Variants in KCTD15 observed in about 807,000 individuals in gnomAD.
The protein encoded by KCTD15 is BTB/POZ domain-containing protein KCTD15.
Under a neutral mutation model 27.2 loss-of-function variants are expected in KCTD15, and 11 were observed. That is an observed-to-expected ratio of 0.41 (90% CI 0.25 to 0.67). KCTD15 has a LOEUF of 0.67. Ranked by LOEUF, KCTD15 falls within the 30% of genes least tolerant of loss-of-function variation. The pLI is 0.35. For synonymous variants in KCTD15, 163 were observed against 176.0 expected, an observed-to-expected ratio of 0.93 and a Z score of 0.58; for missense variants, 350 against 409.3, an observed-to-expected ratio of 0.86 and a Z score of 1.25.
chr19:33,811,456 C>T lies in KCTD15; in HGVS notation c.597C>T (p.Asp199=), dbSNP rs1975913102. Residue 199 remains aspartate (D), a synonymous_variant, in exon 6 of 7, where the codon GAC becomes GAT. Coordinates refer to ENST00000683859, the MANE Select transcript of KCTD15 (RefSeq NM_001129994.2). Reference sequence around the variant, plus strand: ...AGGAGGTCTTCCCCGAGACCGGAGACGTCATGTGCAACTCCGTCAACGCCG... The same window carrying T: ...AGGAGGTCTTCCCCGAGACCGGAGATGTCATGTGCAACTCCGTCAACGCCG... ...LIEEVFPETG[D]VMCNSVNAGW... 11 of 1,612,986 alleles carry T rather than the reference C, an allele frequency of 6.8e-6. No homozygotes were observed. The highest frequency in any genetic ancestry group is 9.3e-6 in the Non-Finnish European group (11 of 1,179,856).
At chr19:33,802,931 C>A (rs1390913598) in intron 4 of KCTD15, among the ~76,000 whole-genome samples, 1 of 152,238 alleles carries the variant, frequency 6.6e-6, no homozygotes, top group Non-Finnish European at 1.5e-5. Context: ...GGGCTCTTGG[C>A]TGCTGCCTGA....
chr19:33,799,506 G>A (rs1022102565), intron 2 of KCTD15: 3 of 152,218 alleles, frequency 2.0e-5, no homozygotes, highest in African/African-American at 7.2e-5. Context: ...TCAGTGAACG[G>A]GGCTGCAGAA....
chr19:33,803,517 C>G (rs1302753104), intron 4 of KCTD15, among the ~76,000 whole-genome samples: 1 of 151,982 alleles, frequency 6.6e-6, no homozygotes, highest in Non-Finnish European at 1.5e-5. Flanking sequence ...CCTCGGCTCC[C>G]CTGAGAACTC....
intron 6 of KCTD15, chr19:33,812,084 G>A: frequency 7.5e-7 from 1 of 1,338,510 alleles, no homozygotes; most frequent in Non-Finnish European, 9.5e-7. Context: ...CAAGAGCTTG[G>A]CACATTTCCG....
At position 33,813,044 on chromosome 19, in the gene KCTD15, G is replaced by A. The variant is rs1172906260; in HGVS notation, c.*96G>A. 2 of 1,308,082 alleles carry A rather than the reference G, an allele frequency of 1.5e-6. No homozygotes were observed. Among genetic ancestry groups the A allele is most frequent in the Admixed American group, 4.1e-5 (2 of 49,316 alleles). The allele number at this position is 1,308,082 out of a possible 1,614,324, so 81.0% of individuals were successfully genotyped here. A position where few individuals can be genotyped will look rare whatever the true frequency, so the allele number is the denominator to read the frequency against. On this transcript the variant is annotated 3_prime_UTR_variant, in exon 7 of 7. Coordinates refer to ENST00000683859, the MANE Select transcript of KCTD15 (RefSeq NM_001129994.2). ...TACTTGGCCGTGGGCATGAGACCGA[G>A]GGTGAGGCTGGAGGGTCCAAAGCTG...
rs1975977764 is a variant in KCTD15 at position 33,812,974 on chromosome 19, C to G, written c.*26C>G. The G allele has an allele frequency of 6.6e-7, 1 of 1,522,846 alleles. No individual in the cohort carries two copies. The highest frequency in any genetic ancestry group is 8.8e-7 in the Non-Finnish European group (1 of 1,134,692). The allele number at this position is 1,522,846 out of a possible 1,614,324, so 94.3% of individuals were successfully genotyped here. A position where few individuals can be genotyped will look rare whatever the true frequency, so the allele number is the denominator to read the frequency against. On this transcript the variant is annotated 3_prime_UTR_variant, in exon 7 of 7. Transcript: ENST00000683859. ...GCCCTGCTTCAGTGCCCACCTGGGC[C>G]CCCCCAGGGACCTGGAAACAGTGCT...
chr19:33,812,222 A>G, intron 6 of KCTD15: 1 of 1,066,570 alleles, frequency 9.4e-7, no homozygotes. Flanking sequence ...ACCCTCACAG[A>G]GGCACAAACC....
chr19:33,801,717 A>G (rs1975556624), intron 4 of KCTD15: 1 of 180,696 alleles, frequency 5.5e-6, no homozygotes, highest in Non-Finnish European at 1.1e-5. Flanking sequence ...GCAGGGGGTC[A>G]TTTGTGAGTG....
intron 5 of KCTD15, among the ~76,000 whole-genome samples, chr19:33,807,751 A>G (rs554017672): frequency 6.6e-6 from 1 of 152,234 alleles, no homozygotes; most frequent in Admixed American, 6.5e-5. Context: ...GGCTGTAATT[A>G]GACTTCAAAA....
At chr19:33,800,595 C>T in intron 3 of KCTD15, 75 bp downstream of exon 3, 3 of 1,355,324 alleles carry the variant, frequency 2.2e-6, no homozygotes, top group Non-Finnish European at 3.1e-6. Flanking sequence ...TGTTTACTGG[C>T]TGTCCTTCCT....
At chr19:33,804,077 A>C (rs1975641732) in intron 4 of KCTD15, among the ~76,000 whole-genome samples, 1 of 152,198 alleles carries the variant, frequency 6.6e-6, no homozygotes, top group Non-Finnish European at 1.5e-5. Flanking sequence ...AGCCCCTGAC[A>C]GAGCTGGGAA....
At chr19:33,810,866 A>G (rs1395304244) in intron 5 of KCTD15, among the ~76,000 whole-genome samples, 1 of 150,890 alleles carries the variant, frequency 6.6e-6, no homozygotes, top group Non-Finnish European at 1.5e-5. Flanking sequence ...TGTGCCCAGC[A>G]TGATCTCTTC....
Position 33,807,051 on chromosome 19 carries a change from G to A in KCTD15, c.387+44G>A, listed in dbSNP as rs754655492. On this transcript the variant is annotated intron_variant, in intron 5 of 6. Coordinates refer to ENST00000683859, the MANE Select transcript of KCTD15 (RefSeq NM_001129994.2). ...GCCCCCCTGCACTGCCTGTGTGATG[G>A]CATTACACAGGGGACGCTGTGACTT... 8.8e-6 allele frequency: 14 copies of A among 1,591,346 alleles called. No individual in the cohort carries two copies. The South Asian group carries it at 1.6e-4, about 18-fold the overall frequency.
rs1975987779 is a variant in KCTD15 at position 33,813,246 on chromosome 19, T to A, written c.*298T>A. ...CAGCATCCTCTGAGGCCCCGGGGCC[T>A]GTTGGGGCGGGGTTGGAAGAGCCGT... On this transcript the variant is annotated 3_prime_UTR_variant, in exon 7 of 7. Transcript: ENST00000683859. 1 of 623,730 alleles carries A rather than the reference T, an allele frequency of 1.6e-6. No individual in the cohort carries two copies. Among genetic ancestry groups the A allele is most frequent in the South Asian group, 1.5e-5 (1 of 64,914 alleles). 38.6% of individuals were successfully genotyped at this position (623,730 alleles called of 1,614,324 possible).
At chr19:33,810,506 C>G (rs1205655748) in intron 5 of KCTD15, among the ~76,000 whole-genome samples, 1 of 151,942 alleles carries the variant, frequency 6.6e-6, no homozygotes, top group Admixed American at 6.6e-5. Flanking sequence ...ATGGGAAAAC[C>G]CCATCTCTAC....
chr19:33,806,837 C>T (rs1294795548), intron 4 of KCTD15, 26 bp from the exon 5 acceptor site: 1 of 1,609,744 alleles, frequency 6.2e-7, no homozygotes, highest in East Asian at 2.2e-5. Flanking sequence ...TCCCTTCAGA[C>T]ATCCCACCTC....
chr19:33,800,620 TC>T, intron 3 of KCTD15, 100 bp downstream of exon 3: 1 of 1,074,112 alleles, frequency 9.3e-7, no homozygotes, highest in African/African-American at 1.6e-5. Context: ...ACCATGACAC[TC>T]CAGGTGGCTG....
chr19:33,811,663 G>T (rs769927300), intron 6 of KCTD15, 111 bp downstream of exon 6: 1 of 1,506,660 alleles, frequency 6.6e-7, no homozygotes, highest in Non-Finnish European at 9.0e-7. Flanking sequence ...GAAGCCCCCC[G>T]TGCCATCCTA....
intron 5 of KCTD15, among the ~76,000 whole-genome samples, chr19:33,810,939 G>A (rs1599687792): frequency 6.6e-6 from 1 of 152,112 alleles, no homozygotes; most frequent in African/African-American, 2.4e-5. Context: ...GTCCTTTAGT[G>A]GAGCTTCCAG....
Sources: allele counts gnomAD v4.1 joint callset (sites outside exome capture counted in the v4.1 genomes callset), GRCh38; gene constraint gnomAD v4.1.1; transcripts MANE v1.5; gene names NCBI Gene and HGNC (gene_info 2026-07-23, HGNC 2026-07-21).